GOT2: variants seen among roughly 807,000 people sequenced by gnomAD.
GOT2 encodes aspartate aminotransferase, mitochondrial.
A neutral mutation model predicts 50.0 loss-of-function variants in GOT2; 17 were observed. The ratio of observed to expected loss-of-function variants is 0.34; its 90% confidence interval spans 0.23 to 0.51. The LOEUF (loss-of-function observed/expected upper bound fraction) is 0.51, where lower values mean the gene tolerates loss of function less well. GOT2 is among the 20% of genes least tolerant of loss of function. The probability of loss-of-function intolerance (pLI) is 0.97; values close to 1 mark genes in which losing one functional copy is unlikely to be tolerated. For missense variants in GOT2, 430 were observed against 559.6 expected (o/e 0.77, Z 2.34); for synonymous variants, 172 against 204.9 (o/e 0.84, Z 1.37).
At chr16:58,711,830 C>T (rs2044651172) in intron 8 of GOT2, among the ~76,000 whole-genome samples, 1 of 152,056 alleles carries the variant, frequency 6.6e-6, no homozygotes, top group Admixed American at 6.6e-5. Context: ...AGATGTGGAG[C>T]CATCTTAGCC....
chr16:58,719,999 C>T (rs564456557), intron 3 of GOT2, among the ~76,000 whole-genome samples: 2 of 152,072 alleles, frequency 1.3e-5, no homozygotes, highest in African/African-American at 4.8e-5. Context: ...GTCAGGAGTT[C>T]GAGATCAGCC....
rs979342523 is a variant in GOT2 at position 58,718,308 on chromosome 16, G to GA, written c.598-9dup. 4.4e-6 allele frequency: 7 copies of GA among 1,605,040 alleles called. No homozygotes were observed. The African/African-American group carries it at 9.4e-5, about 21-fold the overall frequency. ...ACTCTGCTCTGGTATTTTCTAAAGA[G>GA]AAAAACAGCCAAGAGACGACTTTGC... On this transcript the variant is annotated splice_polypyrimidine_tract_variant and intron_variant, in intron 5 of 9. Transcript: ENST00000245206.
Position 58,734,144 on chromosome 16 carries a change from C to G in GOT2, c.85G>C (p.Ala29Pro), listed in dbSNP as rs1018202206. The G allele has an allele frequency of 1.5e-6, 2 of 1,329,854 alleles. No homozygotes were observed. Among genetic ancestry groups the G allele is most frequent in the East Asian group, 2.8e-5 (1 of 35,956 alleles). The allele number at this position is 1,329,854 out of a possible 1,614,324, so 82.4% of individuals were successfully genotyped here. ...TCTCCGTTTCCCTTGGCTTACCTGG[C>G]TCTGGCAGAGGCCGCGGCGGCGAGG... ...PGLAAAASAR[A>P]SSWWTHVEMG... Residue 29 changes from alanine to proline, a missense_variant, in exon 1 of 10, where the codon GCC becomes CCC. Coordinates refer to ENST00000245206, the MANE Select transcript of GOT2 (RefSeq NM_002080.4).
intron 7 of GOT2, 48 bp downstream of exon 7, chr16:58,716,615 T>G: frequency 6.4e-7 from 1 of 1,555,792 alleles, no homozygotes; most frequent in Non-Finnish European, 8.8e-7. Context: ...CCTCGTGGCA[T>G]TCTCTCCCAG....
chr16:58,722,505 G>C (rs2152096243), intron 2 of GOT2, among the ~76,000 whole-genome samples: 1 of 152,026 alleles, frequency 6.6e-6, no homozygotes, highest in Non-Finnish European at 1.5e-5. Context: ...CGAGTAGCTG[G>C]GATTACAGGC....
At chr16:58,730,152 T>G (rs1245540038) in intron 1 of GOT2, among the ~76,000 whole-genome samples, 1 of 152,120 alleles carries the variant, frequency 6.6e-6, no homozygotes, top group African/African-American at 2.4e-5. Context: ...TTGTTGAAAC[T>G]CTGGGGGAAA....
chr16:58,723,053 A>G (rs763803914), intron 2 of GOT2, among the ~76,000 whole-genome samples: 21 of 152,194 alleles, frequency 1.4e-4, no homozygotes, highest in Non-Finnish European at 1.8e-4. Flanking sequence ...TAGGCAAGTT[A>G]TTTAGCCTTC....
chr16:58,716,825 C>G lies in GOT2; in HGVS notation c.703-12G>C. 1 of 1,613,332 alleles carries G rather than the reference C, an allele frequency of 6.2e-7. No individual in the cohort carries two copies. The highest frequency in any genetic ancestry group is 1.1e-5 in the South Asian group (1 of 91,022). ...AAGAGATTCCTTTTCTGAGAAGGAA[C>G]GAAAGATCGAAGCTTTAGCAGTCTT... On this transcript the variant is annotated splice_polypyrimidine_tract_variant and intron_variant, in intron 6 of 9. Transcript: ENST00000245206.
chr16:58,719,144 G>A, intron 4 of GOT2, 52 bp downstream of exon 4: 1 of 1,251,256 alleles, frequency 8.0e-7, no homozygotes, highest in African/African-American at 1.5e-5. Flanking sequence ...ACAACAGGAA[G>A]CCCTGTCATC....
chr16:58,719,412 C>A (rs564613023), intron 3 of GOT2, among the ~76,000 whole-genome samples, 157 bp from the exon 4 acceptor site: 7 of 152,124 alleles, frequency 4.6e-5, no homozygotes, highest in Non-Finnish European at 4.4e-5. Context: ...TTTCAGAACA[C>A]AAAAATTCCT....
intron 1 of GOT2, among the ~76,000 whole-genome samples, chr16:58,724,344 G>T (rs1357255023): frequency 6.6e-6 from 1 of 150,638 alleles, no homozygotes; most frequent in African/African-American, 2.5e-5. Context: ...GTACAGTGGT[G>T]CAATCTTGGC....
chr16:58,712,225 T>C (rs2044654749), intron 8 of GOT2, among the ~76,000 whole-genome samples: 2 of 152,166 alleles, frequency 1.3e-5, no homozygotes, highest in African/African-American at 4.8e-5. Flanking sequence ...TTAAATATCA[T>C]GTGTGGCCAG....
intron 2 of GOT2, 52 bp downstream of exon 2, chr16:58,723,690 CAGGG>C: frequency 6.9e-7 from 1 of 1,446,528 alleles, no homozygotes; most frequent in Middle Eastern, 1.8e-4. Flanking sequence ...TGCCACTCTC[CAGGG>C]CTCTCTTCAG....
intron 1 of GOT2, among the ~76,000 whole-genome samples, chr16:58,733,655 A>G (rs1253100371): frequency 6.6e-6 from 1 of 151,496 alleles, no homozygotes; most frequent in East Asian, 2.0e-4. Flanking sequence ...CGCCCCGGAA[A>G]CCTTCCTCTC....
rs866745276 is a variant in GOT2 at position 58,718,237 on chromosome 16, G to A, written c.661C>T (p.Pro221Ser). 6.2e-7 allele frequency: 1 copy of A among 1,613,898 alleles called. No homozygotes were observed. Among genetic ancestry groups the A allele is most frequent in the Non-Finnish European group, 8.5e-7 (1 of 1,179,756 alleles). ...ATTTCCTTCCACTGTTCCGGACGCG[G>A]GTCCACTCCCGTGGGATTGTGGGCG... ...ACAHNPTGVD[P>S]RPEQWKEIAT... Residue 221 changes from proline (P) to serine (S), a missense_variant, in exon 6 of 10, where the codon CCG (proline) becomes TCG (serine). By Grantham distance (74) the Pro-to-Ser change is moderately conservative. Transcript: ENST00000245206.
At chr16:58,719,040 C>T (rs2044718746) in intron 4 of GOT2, among the ~76,000 whole-genome samples, 156 bp downstream of exon 4, 1 of 152,204 alleles carries the variant, frequency 6.6e-6, no homozygotes, top group Non-Finnish European at 1.5e-5. Context: ...CCTGTAATTT[C>T]TTCAAAGTCC....
rs754198544 is a variant in GOT2 at position 58,718,648 on chromosome 16, T to C, written c.476A>G (p.Lys159Arg). The part of the protein sequence containing the change: ...FKFSRDVFLP[K>R]PTWGNHTPIF... ...GGGTGTGTGGTTTCCCCAGGTTGGT[T>C]TGGGCAGAAAGACATCTCGGCTGAA... Residue 159 changes from lysine (K) to arginine (R), a missense_variant, in exon 5 of 10, where the codon AAA (lysine) becomes AGA (arginine). Lys to Arg is a conservative substitution (Grantham distance 26). Transcript: ENST00000245206. 4 of 1,600,994 alleles carry C rather than the reference T, an allele frequency of 2.5e-6. No individual in the cohort carries two copies. The highest frequency in any genetic ancestry group is 2.6e-6 in the Non-Finnish European group (3 of 1,173,810).
At chr16:58,719,358 A>C in intron 3 of GOT2, 103 bp from the exon 4 acceptor site, 43 of 732,968 alleles carry the variant, frequency 5.9e-5, no homozygotes, top group Non-Finnish European at 8.9e-5. Context: ...TCAGAAGCTC[A>C]TTCTTTATGG....
chr16:58,721,299 G>A (rs2044737893), intron 3 of GOT2, among the ~76,000 whole-genome samples: 1 of 152,152 alleles, frequency 6.6e-6, no homozygotes, highest in Non-Finnish European at 1.5e-5. Context: ...TAAAAAACAT[G>A]TTTTTTTCAA....
Sources: allele counts gnomAD v4.1 joint callset (sites outside exome capture counted in the v4.1 genomes callset), GRCh38; gene constraint gnomAD v4.1.1; transcripts MANE v1.5; gene names NCBI Gene and HGNC (gene_info 2026-07-23, HGNC 2026-07-21).